DNAAF4: variants seen among roughly 807,000 people sequenced by gnomAD.
DNAAF4 encodes the protein dynein axonemal assembly factor 4.
A neutral mutation model predicts 51.8 loss-of-function variants in DNAAF4; 43 were observed. The ratio of observed to expected loss-of-function variants is 0.83; its 90% CI spans 0.65 to 1.07. The LOEUF is 1.07. Among genes scored for constraint, DNAAF4 ranks in the 50% least tolerant of loss-of-function variants. The pLI, the probability that DNAAF4 is intolerant of heterozygous loss-of-function variation, is 0.00. For synonymous variants in DNAAF4, 194 were observed against 165.6 expected (o/e 1.17, Z -1.32); for missense variants, 581 against 493.0 (o/e 1.18, Z -1.69).
intron 7 of DNAAF4, among the ~76,000 whole-genome samples, chr15:55,436,369 C>T (rs2057610558): frequency 1.3e-5 from 2 of 151,924 alleles, no homozygotes; most frequent in African/African-American, 2.4e-5. Flanking sequence ...GTTCTTTGCC[C>T]ATTATTATTA....
At chr15:55,466,385 T>C (rs1016818413) in intron 5 of DNAAF4, among the ~76,000 whole-genome samples, 18 of 152,182 alleles carry the variant, frequency 1.2e-4, no homozygotes, top group Middle Eastern at 6.8e-3. Flanking sequence ...GATCACACCA[T>C]TGCACTCCAG....
chr15:55,498,676 C>T (rs1285937555), intron 1 of DNAAF4, 92 bp from the exon 2 acceptor site: 1 of 185,840 alleles, frequency 5.4e-6, no homozygotes, highest in Non-Finnish European at 1.1e-5. Flanking sequence ...GAGGCCGAGG[C>T]GGGCGGATCA....
At chr15:55,451,615 A>C in intron 5 of DNAAF4, among the ~76,000 whole-genome samples, 1 of 94,604 alleles carries the variant, frequency 1.1e-5, no homozygotes, top group East Asian at 4.3e-4. Flanking sequence ...TTTGTGAATA[A>C]TATCTTTTTT....
chr15:55,443,144 C>T (rs1336884557), intron 6 of DNAAF4: 15 of 1,610,524 alleles, frequency 9.3e-6, no homozygotes, highest in Middle Eastern at 1.6e-4. Flanking sequence ...TTCCAGGAGC[C>T]GTCTTCACAT....
Position 55,467,658 on chromosome 15 carries a change from G to A in DNAAF4, c.406-497C>T, listed in dbSNP as rs550077520. Among the ~76,000 whole-genome samples, 4 of 152,060 alleles carry A rather than the reference G, an allele frequency of 2.6e-5. No individual in the cohort carries two copies. The South Asian group carries it at 8.3e-4, about 32-fold the overall frequency. On this transcript the variant is annotated intron_variant, in intron 4 of 9. Transcript: ENST00000321149. The stretch of plus-strand genomic sequence containing the variant: ...AGTTGTGCCAACCCTTCAGTCCTAA[G>A]GACTGAAGGAAGAGGGAACAGTAGA...
Position 55,459,316 on chromosome 15 carries a change from A to G in DNAAF4, c.637+7614T>C, listed in dbSNP as rs1357490265. On this transcript the variant is annotated intron_variant, in intron 5 of 9. Transcript: ENST00000321149. Reference sequence around the variant, plus strand: ...CAAACAAACAAATGCTGAATTTGTCACTACCATGCCAGCACTACAATAAAT... The same window carrying G: ...CAAACAAACAAATGCTGAATTTGTCGCTACCATGCCAGCACTACAATAAAT... 2.0e-5 allele frequency among the ~76,000 whole-genome samples: 3 copies of G among 152,184 alleles called. No homozygotes were observed. In the East Asian group the frequency reaches 5.8e-4, roughly 29 times the overall value.
At chr15:55,441,315 C>T (rs552994783) in intron 6 of DNAAF4, among the ~76,000 whole-genome samples, 84 of 152,150 alleles carry the variant, frequency 5.5e-4, no homozygotes, top group African/African-American at 1.9e-3. Context: ...TGTGATCTGC[C>T]CACCTCGGCC....
chr15:55,426,004 T>G (rs770466534), downstream of DNAAF4, among the ~76,000 whole-genome samples: 1 of 152,172 alleles, frequency 6.6e-6, no homozygotes, highest in Non-Finnish European at 1.5e-5. Flanking sequence ...CAAATCAGAC[T>G]GCCCAAGCAT....
At chr15:55,471,619 T>A (rs2058256761) in intron 4 of DNAAF4, among the ~76,000 whole-genome samples, 1 of 151,642 alleles carries the variant, frequency 6.6e-6, no homozygotes, top group Non-Finnish European at 1.5e-5. Context: ...GTTCATGCCA[T>A]TCTCCTGCCT....
At chr15:55,487,586 A>T (rs902047983) in intron 4 of DNAAF4, among the ~76,000 whole-genome samples, 4 of 152,120 alleles carry the variant, frequency 2.6e-5, no homozygotes, top group Non-Finnish European at 5.9e-5. Context: ...CGCCACCTTT[A>T]AGAGCTGTAA....
chr15:55,421,674 G>T (rs1295690319), intron 7 of DNAAF4, among the ~76,000 whole-genome samples: 2 of 151,534 alleles, frequency 1.3e-5, no homozygotes, highest in African/African-American at 4.9e-5. Flanking sequence ...ATCACCTAAG[G>T]TCAGGAGTTC....
At chr15:55,471,320 A>G (rs1290796350) in intron 4 of DNAAF4, among the ~76,000 whole-genome samples, 1 of 152,080 alleles carries the variant, frequency 6.6e-6, no homozygotes, top group East Asian at 1.9e-4. Flanking sequence ...TTCCTATTAC[A>G]TAGGAAATTC....
At chr15:55,427,403 G>T (rs1450481161), downstream of DNAAF4, among the ~76,000 whole-genome samples, 2 of 152,060 alleles carry the variant, frequency 1.3e-5, no homozygotes, top group Admixed American at 1.3e-4. Flanking sequence ...GGTGGGTGAG[G>T]TGAAGCTGGT....
chr15:55,433,956 T>A (rs1469658533), intron 8 of DNAAF4, among the ~76,000 whole-genome samples: 3 of 48,826 alleles, frequency 6.1e-5, no homozygotes, highest in African/African-American at 3.8e-4. Flanking sequence ...ATATATATAA[T>A]ATATATAATA....
chr15:55,464,773 G>T (rs1190876713), intron 5 of DNAAF4, among the ~76,000 whole-genome samples: 1 of 152,120 alleles, frequency 6.6e-6, no homozygotes, highest in Admixed American at 6.6e-5. Context: ...TTCGAGACCA[G>T]CCTGACCAAC....
intron 6 of DNAAF4, among the ~76,000 whole-genome samples, chr15:55,448,500 CAAAAAAA>C (rs1172391709): frequency 1.6e-5 from 1 of 61,706 alleles, no homozygotes; most frequent in African/African-American, 6.9e-5. Flanking sequence ...ACCCCCAACT[CAAAAAAA>C]AAAAAAAAAA....
chr15:55,427,191 G>A (rs368658318), downstream of DNAAF4, among the ~76,000 whole-genome samples: 6 of 151,788 alleles, frequency 4.0e-5, no homozygotes, highest in Non-Finnish European at 2.9e-5. Context: ...TCAGCCTCCC[G>A]AGTGGCTGGG....
chr15:55,457,298 C>G (rs1312753904), intron 5 of DNAAF4, among the ~76,000 whole-genome samples: 1 of 152,108 alleles, frequency 6.6e-6, no homozygotes, highest in Non-Finnish European at 1.5e-5. Context: ...CCCCACCTCC[C>G]TGGTGACCTG....
chr15:55,431,364 A>T (rs1225311890), intron 9 of DNAAF4, among the ~76,000 whole-genome samples: 1 of 28,662 alleles, frequency 3.5e-5, no homozygotes, highest in Non-Finnish European at 9.1e-5. Flanking sequence ...GTGTATACAC[A>T]CACACACACA....
Sources: allele counts gnomAD v4.1 joint callset (sites outside exome capture counted in the v4.1 genomes callset), GRCh38; gene constraint gnomAD v4.1.1; transcripts MANE v1.5; gene names NCBI Gene and HGNC (gene_info 2026-07-23, HGNC 2026-07-21).